Variants in SRPK2 observed in about 807,000 individuals in gnomAD.
The protein encoded by SRPK2 is SFRS protein kinase 2.
Under a neutral mutation model 90.8 loss-of-function variants are expected in SRPK2, and 21 were observed. The observed-to-expected ratio is 0.23, with a 90% CI of 0.16 to 0.33. SRPK2 has a LOEUF of 0.33. SRPK2 is among the 10% of genes least tolerant of loss of function. The pLI, the probability that SRPK2 is intolerant of heterozygous loss-of-function variation, is 1.00. For missense variants in SRPK2, 620 were observed against 869.0 expected, an observed-to-expected ratio of 0.71 and a Z score of 3.60; for synonymous variants, 288 against 311.1, an observed-to-expected ratio of 0.93 and a Z score of 0.78.
intron 2 of SRPK2, among the ~76,000 whole-genome samples, chr7:105,245,939 G>A (rs996267037): frequency 3.9e-5 from 6 of 152,108 alleles, no homozygotes; most frequent in African/African-American, 1.4e-4. Context: ...TCACCGCGAG[G>A]CAGGATAAAG....
intron 2 of SRPK2, among the ~76,000 whole-genome samples, chr7:105,207,896 A>G (rs555213348): frequency 2.6e-5 from 4 of 152,370 alleles, no homozygotes; most frequent in African/African-American, 7.2e-5. Flanking sequence ...ATCATAAGTG[A>G]TAAGTGATAA....
chr7:105,178,295 A>G (rs930227522), intron 3 of SRPK2, among the ~76,000 whole-genome samples: 1 of 152,176 alleles, frequency 6.6e-6, no homozygotes, highest in Non-Finnish European at 1.5e-5. Context: ...AAAAATATAA[A>G]CAATAATGAA....
chr7:105,270,193 T>A (rs902935202), intron 2 of SRPK2, among the ~76,000 whole-genome samples: 4 of 152,150 alleles, frequency 2.6e-5, no homozygotes, highest in South Asian at 2.1e-4. Flanking sequence ...GAATACCTGA[T>A]GAGAGAGCAG....
At chr7:105,291,667 C>T (rs6958609) in intron 2 of SRPK2, among the ~76,000 whole-genome samples, 66,136 of 151,892 alleles carry the variant, frequency 0.44, 15,715 homozygotes, top group South Asian at 0.53. Context: ...GGGGCAGAGG[C>T]TGCACTGAGC....
intron 2 of SRPK2, among the ~76,000 whole-genome samples, chr7:105,323,207 C>T (rs957852089): frequency 1.1e-4 from 16 of 152,100 alleles, no homozygotes; most frequent in Middle Eastern, 3.4e-3. Context: ...AAAAAAAGTC[C>T]TACAAAAAGA....
At chr7:105,273,319 C>T (rs757563264) in intron 2 of SRPK2, among the ~76,000 whole-genome samples, 68 of 152,126 alleles carry the variant, frequency 4.5e-4, no homozygotes, top group Non-Finnish European at 8.8e-4. Flanking sequence ...CCCAAGCATG[C>T]CATGCTTTTT....
chr7:105,378,203 T>G lies in SRPK2; in HGVS notation c.71+10445A>C, dbSNP rs1820531507. On this transcript the variant is annotated intron_variant, in intron 2 of 15. Transcript: ENST00000393651. Reference sequence around the variant, plus strand: ...AGGTCCTTGCCCTGCCCCCTTATTTTACTTGGAGAATTACTGGTTCTTCCA... The same window carrying G: ...AGGTCCTTGCCCTGCCCCCTTATTTGACTTGGAGAATTACTGGTTCTTCCA... 2.0e-5 allele frequency among the ~76,000 whole-genome samples: 3 copies of G among 152,132 alleles called. No homozygotes were observed. In the South Asian group the frequency reaches 6.2e-4, roughly 32 times the overall value.
intron 7 of SRPK2, among the ~76,000 whole-genome samples, chr7:105,158,182 C>T (rs1224074757): frequency 6.6e-6 from 1 of 152,180 alleles, no homozygotes; most frequent in Non-Finnish European, 1.5e-5. Context: ...TTACAGACTC[C>T]TTCAACTTGC....
intron 2 of SRPK2, among the ~76,000 whole-genome samples, chr7:105,388,303 A>G (rs1821881341): frequency 1.3e-5 from 2 of 150,742 alleles, no homozygotes; most frequent in Non-Finnish European, 3.0e-5. Context: ...CCCTTCCGGA[A>G]AGGGCCGCGA....
intron 2 of SRPK2, among the ~76,000 whole-genome samples, chr7:105,384,903 G>C (rs1319548243): frequency 4.0e-5 from 6 of 150,680 alleles, no homozygotes; most frequent in Non-Finnish European, 1.5e-5. Context: ...TTGAGACGGA[G>C]TCTGGCTCTG....
intron 2 of SRPK2, among the ~76,000 whole-genome samples, chr7:105,345,986 A>G (rs1222790136): frequency 6.6e-6 from 1 of 152,170 alleles, no homozygotes; most frequent in Non-Finnish European, 1.5e-5. Flanking sequence ...AACGTTACAT[A>G]CTTCCCTCTC....
At chr7:105,254,660 T>G (rs756732817) in intron 2 of SRPK2, among the ~76,000 whole-genome samples, 3 of 149,978 alleles carry the variant, frequency 2.0e-5, no homozygotes, top group Non-Finnish European at 4.4e-5. Context: ...GAAGTACATC[T>G]GCTTGTTTTT....
intron 2 of SRPK2, among the ~76,000 whole-genome samples, chr7:105,255,878 G>A (rs1231964520): frequency 6.6e-6 from 1 of 150,908 alleles, no homozygotes. Context: ...GTTGCAATGA[G>A]TCAAGATTGC....
chr7:105,238,353 G>A (rs1405541526), intron 2 of SRPK2, among the ~76,000 whole-genome samples: 1 of 152,152 alleles, frequency 6.6e-6, no homozygotes, highest in African/African-American at 2.4e-5. Flanking sequence ...CCCACTCCAG[G>A]AGCCTCAGGA....
chr7:105,126,854 C>T (rs952768040), intron 14 of SRPK2, 139 bp downstream of exon 14: 1 of 845,520 alleles, frequency 1.2e-6, no homozygotes, highest in South Asian at 1.7e-5. Flanking sequence ...GGGCATCAAA[C>T]TCAAAGGAAA....
intron 13 of SRPK2, among the ~76,000 whole-genome samples, chr7:105,131,336 A>G (rs1019600398): frequency 6.6e-5 from 10 of 152,166 alleles, no homozygotes; most frequent in African/African-American, 2.4e-4. Context: ...TGCTGGGGTC[A>G]CACAGAGAGG....
At chr7:105,237,310 TC>T (rs1298953925) in intron 2 of SRPK2, among the ~76,000 whole-genome samples, 1 of 152,202 alleles carries the variant, frequency 6.6e-6, no homozygotes, top group African/African-American at 2.4e-5. Context: ...ATATTCCTAC[TC>T]CCCACTGCAA....
intron 2 of SRPK2, chr7:105,297,584 A>G: frequency 1.4e-6 from 1 of 737,164 alleles, no homozygotes; most frequent in South Asian, 6.1e-5. Flanking sequence ...CAGAAGGTCC[A>G]CGCTACAATT....
chr7:105,244,792 A>C (rs1307643582), intron 2 of SRPK2: 4 of 972,640 alleles, frequency 4.1e-6, no homozygotes, highest in Non-Finnish European at 6.7e-6. Context: ...TCCCGGAGGC[A>C]TGTGGCTTCG....
Sources: gnomAD v4.1 joint callset for allele counts (sites outside exome capture counted in the v4.1 genomes callset) on GRCh38, gnomAD v4.1.1 for gene constraint, MANE v1.5 for transcripts, NCBI Gene and HGNC (gene_info 2026-07-23, HGNC 2026-07-21) for gene names.